The following LARS2 variants were observed in gnomAD, a reference collection of about 807,000 sequenced individuals.
LARS2 encodes leucine--tRNA ligase, mitochondrial.
In LARS2, 81 loss-of-function variants were observed where a neutral mutation model predicts 116.6. The ratio of observed to expected loss-of-function variants is 0.69; its 90% CI spans 0.58 to 0.84. The LOEUF (loss-of-function observed/expected upper bound fraction) is 0.84, where lower values mean the gene tolerates loss of function less well. LARS2 is among the 40% of genes least tolerant of loss of function. LARS2 has a pLI of 0.00. For missense variants in LARS2, 968 were observed against 1,114.5 expected (o/e 0.87, Z 1.87); for synonymous variants, 396 against 407.2 (o/e 0.97, Z 0.33).
At chr3:45,475,636 A>T (rs989433290) in intron 9 of LARS2, among the ~76,000 whole-genome samples, 7 of 152,194 alleles carry the variant, frequency 4.6e-5, no homozygotes, top group African/African-American at 1.7e-4. Flanking sequence ...TTTTACTGTG[A>T]ACATGTTTTT....
intron 8 of LARS2, among the ~76,000 whole-genome samples, chr3:45,468,244 A>C (rs11921901): frequency 1.3e-5 from 2 of 152,024 alleles, no homozygotes; most frequent in Non-Finnish European, 2.9e-5. Flanking sequence ...TATTCAATCT[A>C]TAGGGAGGCT....
intron 18 of LARS2, 41 bp from the exon 19 acceptor site, chr3:45,520,178 A>G (rs1700430459): frequency 2.1e-6 from 3 of 1,433,336 alleles, no homozygotes; most frequent in Middle Eastern, 1.8e-4. Context: ...AAAGCTTAAA[A>G]GAATTTTGAA....
intron 20 of LARS2, among the ~76,000 whole-genome samples, chr3:45,540,221 T>C (rs1700769802): frequency 6.6e-6 from 1 of 152,074 alleles, no homozygotes; most frequent in Non-Finnish European, 1.5e-5. Context: ...ATCGCGCCAC[T>C]GCACTCCAGC....
At chr3:45,391,062 A>C (rs854189) in intron 1 of LARS2, among the ~76,000 whole-genome samples, 64,435 of 152,014 alleles carry the variant, frequency 0.42, 14,404 homozygotes, top group African/African-American at 0.57. Flanking sequence ...CTTGCTTTCC[A>C]ATTCTGTTCT....
rs548374499 is a variant in LARS2 at position 45,534,068 on chromosome 3, T to C, written c.2405-7761T>C. 4.1e-4 allele frequency among the ~76,000 whole-genome samples: 62 copies of C among 152,358 alleles called. 1 individual carries two copies. Among genetic ancestry groups the C allele is most frequent in the African/African-American group, 1.4e-3 (60 of 41,584 alleles). ...GCAGTTGGAGCAGTGGACATTGTGT[T>C]CATTTCAGTTGCAGTCCTCCCTGAA... On this transcript the variant is annotated intron_variant, in intron 20 of 21. Coordinates refer to ENST00000645846, the MANE Select transcript of LARS2 (RefSeq NM_015340.4).
At chr3:45,418,571 G>T (rs1318953962) in intron 5 of LARS2, among the ~76,000 whole-genome samples, 2 of 152,138 alleles carry the variant, frequency 1.3e-5, no homozygotes, top group Non-Finnish European at 2.9e-5. Context: ...GCTAAATCTG[G>T]CCCTACCTGT....
intron 20 of LARS2, among the ~76,000 whole-genome samples, chr3:45,538,818 G>A (rs1048314784): frequency 6.6e-5 from 10 of 152,192 alleles, no homozygotes; most frequent in Admixed American, 5.2e-4. Context: ...AAGTCAGAGC[G>A]GTCGGTGGAA....
At chr3:45,462,631 G>A (rs576367874) in intron 8 of LARS2, among the ~76,000 whole-genome samples, 1 of 152,174 alleles carries the variant, frequency 6.6e-6, no homozygotes, top group Non-Finnish European at 1.5e-5. Flanking sequence ...TGAGCTGGAG[G>A]GGGGAAGAGG....
At chr3:45,527,646 ATCTTTAGGGAGATACACCTGAGC>A in intron 20 of LARS2, among the ~76,000 whole-genome samples, 1 of 151,982 alleles carries the variant, frequency 6.6e-6, no homozygotes, top group Non-Finnish European at 1.5e-5. Flanking sequence ...AAGAAATCTT[ATCTTTAGGGAGATACACCTGAGC>A]AAGGATAAAG....
At chr3:45,434,521 G>A (rs1288123642) in intron 6 of LARS2, among the ~76,000 whole-genome samples, 2 of 152,140 alleles carry the variant, frequency 1.3e-5, no homozygotes, top group Non-Finnish European at 2.9e-5. Context: ...GCATTTTTAT[G>A]CTGTCTGCAT....
intron 13 of LARS2, 30 bp from the exon 14 acceptor site, chr3:45,496,245 A>T: frequency 6.6e-7 from 1 of 1,520,490 alleles, no homozygotes; most frequent in Non-Finnish European, 9.1e-7. Context: ...TTAAAAAGAA[A>T]CCAATTGATG....
Position 45,485,741 on chromosome 3 carries a change from C to T in LARS2, c.1068C>T (p.Val356=). ...MAVNMLTQQE[V]PVVILAKADL... is the part of the protein sequence containing the mutation. ...TGAACATGCTTACCCAGCAGGAGGT[C>T]CCTGTCGTTATTTTGGCCAAAGCTG... Residue 356 remains valine, a synonymous_variant, in exon 11 of 22, where the codon GTC becomes GTT. Coordinates refer to ENST00000645846, the MANE Select transcript of LARS2 (RefSeq NM_015340.4). 1 of 1,612,000 alleles carries T rather than the reference C, an allele frequency of 6.2e-7. No homozygotes were observed. Among genetic ancestry groups the T allele is most frequent in the Non-Finnish European group, 8.5e-7 (1 of 1,179,020 alleles).
At chr3:45,410,667 T>C (rs1447042444) in intron 4 of LARS2, among the ~76,000 whole-genome samples, 4 of 152,200 alleles carry the variant, frequency 2.6e-5, no homozygotes, top group African/African-American at 9.7e-5. Context: ...GCCAGCTTTA[T>C]TTTCTCAGAC....
intron 7 of LARS2, among the ~76,000 whole-genome samples, chr3:45,453,180 T>C (rs1252754118): frequency 6.6e-6 from 1 of 152,176 alleles, no homozygotes; most frequent in Non-Finnish European, 1.5e-5. Context: ...TCTACTCTGA[T>C]CTTTATTATT....
rs181070059 is a variant in LARS2 at position 45,397,737 on chromosome 3, G to A, written c.235-2508G>A. Among the ~76,000 whole-genome samples the A allele has an allele frequency of 1.7e-4, 26 of 152,274 alleles. No individual in the cohort carries two copies. The East Asian group carries it at 4.2e-3, about 25-fold the overall frequency. ...TCCCATATTCCTAAAAATTTCTGAAGAATAAGCCATAAGCCTAATTCATTG... is the reference window on the plus strand; with the variant it reads ...TCCCATATTCCTAAAAATTTCTGAAAAATAAGCCATAAGCCTAATTCATTG... On this transcript the variant is annotated intron_variant, in intron 3 of 21. Transcript: ENST00000645846.
At chr3:45,412,496 TTTGCCTTTATTTATCATTG>T (rs1698346807) in intron 4 of LARS2, among the ~76,000 whole-genome samples, 1 of 152,236 alleles carries the variant, frequency 6.6e-6, no homozygotes, top group African/African-American at 2.4e-5. Context: ...AAAAATAAAC[TTTGCCTTTATTTATCATTG>T]TATTATGCCA....
intron 15 of LARS2, chr3:45,507,096 T>C (rs1228855336): frequency 2.0e-5 from 3 of 152,040 alleles, no homozygotes; most frequent in Non-Finnish European, 2.9e-5. Flanking sequence ...ATAAACATCT[T>C]ACACTGTAAA....
intron 8 of LARS2, among the ~76,000 whole-genome samples, chr3:45,471,778 A>C (rs1403980198): frequency 6.6e-6 from 1 of 152,228 alleles, no homozygotes; most frequent in Non-Finnish European, 1.5e-5. Flanking sequence ...AGTTTATAAT[A>C]TACTTGCGTG....
chr3:45,455,436 G>A (rs1464112512), intron 7 of LARS2, among the ~76,000 whole-genome samples: 1 of 152,044 alleles, frequency 6.6e-6, no homozygotes, highest in Non-Finnish European at 1.5e-5. Context: ...CTGGAGTGGG[G>A]AGATGCCTCT....
Sources: gnomAD v4.1 joint callset for allele counts (sites outside exome capture counted in the v4.1 genomes callset) on GRCh38, gnomAD v4.1.1 for gene constraint, MANE v1.5 for transcripts, NCBI Gene and HGNC (gene_info 2026-07-23, HGNC 2026-07-21) for gene names.